ARHGEF18: variants seen among roughly 807,000 people sequenced by gnomAD.
ARHGEF18 encodes Rho/Rac guanine nucleotide exchange factor 18, also known as rho guanine nucleotide exchange factor 18.
Under a neutral mutation model 155.7 loss-of-function variants are expected in ARHGEF18, and 93 were observed. The observed-to-expected ratio is 0.60, with a 90% confidence interval of 0.50 to 0.71. The LOEUF (loss-of-function observed/expected upper bound fraction) is 0.71. ARHGEF18 is among the 30% of genes least tolerant of loss of function. The probability of loss-of-function intolerance (pLI) is 0.00; values close to 1 mark genes in which losing one functional copy is unlikely to be tolerated. For synonymous variants in ARHGEF18, 742 were observed against 753.1 expected (o/e 0.99, Z 0.24); for missense variants, 1,593 against 1,816.1 (o/e 0.88, Z 2.23).
intron 15 of ARHGEF18, among the ~76,000 whole-genome samples, chr19:7,450,638 G>T (rs796754481): frequency 8.9e-4 from 1 of 1,118 alleles, no homozygotes; most frequent in Admixed American, 7.7e-3. Flanking sequence ...CCATTTCCAA[G>T]ATGTTAATAC....
intron 10 of ARHGEF18, among the ~76,000 whole-genome samples, chr19:7,404,677 C>T (rs1028180405): frequency 6.6e-6 from 1 of 151,888 alleles, no homozygotes; most frequent in African/African-American, 2.4e-5. Flanking sequence ...TATTAAAAGG[C>T]CTTTTAGATA....
At chr19:7,401,863 G>T (rs1420217483) in intron 10 of ARHGEF18, among the ~76,000 whole-genome samples, 1 of 152,146 alleles carries the variant, frequency 6.6e-6, no homozygotes, top group African/African-American at 2.4e-5. Flanking sequence ...TACATAAAAT[G>T]TGGTCCCGCC....
In ARHGEF18 at chr19:7,440,230, C is replaced by T. The variant is rs1316402526; in HGVS notation, c.968-114C>T. The T allele has an allele frequency of 2.6e-6, 4 of 1,551,986 alleles. No homozygotes were observed. Among genetic ancestry groups the T allele is most frequent in the Admixed American group, 3.9e-5 (2 of 51,006 alleles). On this transcript the variant is annotated intron_variant, in intron 10 of 28. Transcript: ENST00000668164. This position sits in a 1 kb window ranked among gnomAD's most constrained non-coding sequence, Gnocchi z 5.4. ...GTCTTCTTGGATAACGAGCTGCTGA[C>T]CTCCAAGATCCTGTCTGTGCTGCGG...
In ARHGEF18 at chr19:7,440,085, G is replaced by A. The variant is rs1030503163; in HGVS notation, c.968-259G>A. The A allele has an allele frequency of 2.6e-6, 4 of 1,550,008 alleles. No individual in the cohort carries two copies. Among genetic ancestry groups the A allele is most frequent in the African/African-American group, 2.7e-5 (2 of 72,880 alleles). ...CCAGCCTGGCGCCGCGCCGGGTCCC[G>A]GAGCCCCGGGCGCGAACATGGGGAA... is the stretch of plus-strand genomic sequence containing the variant. On this transcript the variant is annotated intron_variant, in intron 10 of 28. Transcript: ENST00000668164. The surrounding 1 kb of genome is among the most constrained non-coding windows in gnomAD (Gnocchi z 5.4).
Position 7,383,110 on chromosome 19 carries a change from A to T in ARHGEF18, c.874A>T (p.Arg292Trp). 1 of 1,232,246 alleles carries T rather than the reference A, an allele frequency of 8.1e-7. No homozygotes were observed. Among genetic ancestry groups the T allele is most frequent in the Non-Finnish European group, 1.0e-6 (1 of 988,064 alleles). The allele number at this position is 1,232,246 out of a possible 1,614,324, so 76.3% of individuals were successfully genotyped here. ...LKDKGQDARE[R>W]RECVNGHQLL... ...GGACAAGGGCCAGGATGCACGAGAG[A>T]GGCGGGAGTGTGTCAATGGGCACCA... Residue 292 changes from arginine to tryptophan, a missense_variant, in exon 10 of 29, where the codon AGG becomes TGG. Coordinates refer to ENST00000668164, the MANE Select transcript of ARHGEF18 (RefSeq NM_001367823.1).
At chr19:7,426,506 A>T (rs967375250) in intron 10 of ARHGEF18, among the ~76,000 whole-genome samples, 2 of 145,738 alleles carry the variant, frequency 1.4e-5, no homozygotes, top group African/African-American at 4.9e-5. Context: ...AAAAAAAGAA[A>T]AAAAGCACCA....
rs1973254667 is a variant in ARHGEF18 at position 7,419,977 on chromosome 19, G to GCCCATACTCGGCCTCCACA, written c.968-20363_968-20362insTACTCGGCCTCCACACCCA. Among the ~76,000 whole-genome samples, 3 of 112,724 alleles carry GCCCATACTCGGCCTCCACA rather than the reference G, an allele frequency of 2.7e-5. No homozygotes were observed. The South Asian group carries it at 7.8e-4, about 29-fold the overall frequency. 74.0% of individuals were successfully genotyped at this position (112,724 alleles called of 152,430 possible). A position where few individuals can be genotyped will look rare whatever the true frequency, so the allele number is the denominator to read the frequency against. ...CACTCGGCCCTCATACCCCAGGTGC[G>GCCCATACTCGGCCTCCACA]CCCACACTCGGCCTCCACACCCACA... On this transcript the variant is annotated intron_variant, in intron 10 of 28. Transcript: ENST00000668164.
At chr19:7,385,667 G>C (rs568578338) in intron 10 of ARHGEF18, among the ~76,000 whole-genome samples, 39 of 151,668 alleles carry the variant, frequency 2.6e-4, no homozygotes, top group African/African-American at 8.9e-4. Flanking sequence ...GTAGAAACAG[G>C]GTTTCACCAT....
At chr19:7,443,472 A>T (rs1254938121) in intron 13 of ARHGEF18, among the ~76,000 whole-genome samples, 1 of 152,050 alleles carries the variant, frequency 6.6e-6, no homozygotes, top group East Asian at 1.9e-4. Context: ...GAGTGCTGGG[A>T]TTACAGACGT....
chr19:7,391,837 C>A (rs1037954126), intron 10 of ARHGEF18, among the ~76,000 whole-genome samples: 4 of 152,064 alleles, frequency 2.6e-5, no homozygotes, highest in African/African-American at 9.7e-5. Context: ...CCACCACCAC[C>A]GAGAATTATC....
chr19:7,409,833 A>G (rs2161569), intron 10 of ARHGEF18, among the ~76,000 whole-genome samples: 108,694 of 143,776 alleles, frequency 0.76, 41,318 homozygotes, highest in Middle Eastern at 0.85. Context: ...GCAGTGGTGC[A>G]ACCTCAGCTT....
At chr19:7,381,045 T>C (rs1289328116) in intron 8 of ARHGEF18, 51 bp downstream of exon 8, 2 of 1,207,412 alleles carry the variant, frequency 1.7e-6, no homozygotes, top group Admixed American at 4.2e-5. Flanking sequence ...TTCGAACAAG[T>C]GTTTACAGAT....
intron 3 of ARHGEF18, among the ~76,000 whole-genome samples, chr19:7,373,292 G>A (rs115171196): frequency 0.011 from 1,634 of 152,232 alleles, 31 homozygotes; most frequent in African/African-American, 0.036. Context: ...CATTTATCGT[G>A]CACTTTATTT....
chr19:7,434,224 A>G (rs1054890878), intron 10 of ARHGEF18, among the ~76,000 whole-genome samples: 1 of 151,970 alleles, frequency 6.6e-6, no homozygotes, highest in African/African-American at 2.4e-5. Context: ...CCTAGCCTCA[A>G]GCGATCCTCC....
At chr19:7,469,235 G>A (rs1976863984) in intron 27 of ARHGEF18, 104 bp downstream of exon 27, 22 of 1,374,120 alleles carry the variant, frequency 1.6e-5, no homozygotes, top group Non-Finnish European at 2.1e-5. Context: ...GCCATCCTCT[G>A]GAGAGGAAAA....
chr19:7,416,068 G>A (rs144698229), intron 10 of ARHGEF18, among the ~76,000 whole-genome samples: 6 of 152,148 alleles, frequency 3.9e-5, no homozygotes, highest in Non-Finnish European at 7.4e-5. Context: ...CACGGTTTTC[G>A]CATTTGTGTG....
At chr19:7,442,242 T>A (rs1489722496) in intron 13 of ARHGEF18, among the ~76,000 whole-genome samples, 190 bp downstream of exon 13, 1 of 151,890 alleles carries the variant, frequency 6.6e-6, no homozygotes, top group East Asian at 1.9e-4. Context: ...TTTCTTTCTT[T>A]TTTTTCTTTT....
rs1414810366 is a variant in ARHGEF18 at position 7,381,679 on chromosome 19, AAAAT to A, written c.722+696_722+699del. ...GGCAACAGAGTGAAACTCCGTCTCA[AAAAT>A]AAATAAATAATAAATAAATAAATAA... On this transcript the variant is annotated intron_variant, in intron 8 of 28. Coordinates refer to ENST00000668164, the MANE Select transcript of ARHGEF18 (RefSeq NM_001367823.1). 9.9e-3 allele frequency among the ~76,000 whole-genome samples: 1,441 copies of A among 145,736 alleles called. 17 individuals are homozygous for A. The highest frequency in any genetic ancestry group is 0.023 in the African/African-American group (852 of 37,028).
chr19:7,351,514 G>A (rs549283353), intron 1 of ARHGEF18, among the ~76,000 whole-genome samples: 236 of 151,636 alleles, frequency 1.6e-3, no homozygotes, highest in South Asian at 0.011. Flanking sequence ...TAATAGAGAC[G>A]GGGTTTCACC....
Sources: allele counts gnomAD v4.1 joint callset (sites outside exome capture counted in the v4.1 genomes callset), GRCh38; gene constraint gnomAD v4.1.1; non-coding constraint Gnocchi (gnomAD v3.1); transcripts MANE v1.5; gene names NCBI Gene and HGNC (gene_info 2026-07-23, HGNC 2026-07-21).